PTPRN2: variants seen among roughly 807,000 people sequenced by gnomAD.
PTPRN2 encodes the protein receptor-type tyrosine-protein phosphatase N2.
A neutral mutation model predicts 118.8 loss-of-function variants in PTPRN2; 74 were observed. The ratio of observed to expected loss-of-function variants is 0.62; its 90% CI spans 0.52 to 0.76. The LOEUF (loss-of-function observed/expected upper bound fraction) is 0.76. PTPRN2 is among the 30% of genes least tolerant of loss of function. The pLI is 0.00. For synonymous variants in PTPRN2, 641 were observed against 608.0 expected (o/e 1.05, Z -0.80); for missense variants, 1,481 against 1,394.4 (o/e 1.06, Z -0.99).
chr7:158,544,922 TTTC>T lies in PTPRN2; in HGVS notation c.112+42633_112+42635del, dbSNP rs1179506039. ...CACACTCACGTGATCACACCCACTC[TTTC>T]TTCTTGTGGAAAGCCCCACGTGGAG... is the stretch of plus-strand genomic sequence containing the variant. On this transcript the variant is annotated intron_variant, in intron 1 of 22. Transcript: ENST00000389418. The surrounding 1 kb of genome is among the most constrained non-coding windows in gnomAD (Gnocchi z 4.2). Among the ~76,000 whole-genome samples, 10 of 152,320 alleles carry T rather than the reference TTTC, an allele frequency of 6.6e-5. No homozygotes were observed. In the East Asian group the frequency reaches 1.4e-3, roughly 21 times the overall value.
At chr7:158,420,025 G>A (rs931858009) in intron 2 of PTPRN2, among the ~76,000 whole-genome samples, 1 of 152,144 alleles carries the variant, frequency 6.6e-6, no homozygotes, top group Non-Finnish European at 1.5e-5. Flanking sequence ...TTACAATCTT[G>A]TGCACAGGAC....
chr7:158,079,488 G>A (rs1243300037), intron 11 of PTPRN2, among the ~76,000 whole-genome samples: 1 of 152,084 alleles, frequency 6.6e-6, no homozygotes, highest in African/African-American at 2.4e-5. Context: ...TAAATCAAAG[G>A]TCCTTGTCTG....
intron 1 of PTPRN2, among the ~76,000 whole-genome samples, chr7:158,558,183 G>A (rs1007966935): frequency 2.6e-5 from 4 of 152,012 alleles, no homozygotes; most frequent in African/African-American, 9.7e-5. Context: ...ACGGGGTCTT[G>A]CTATGTTGCC....
intron 1 of PTPRN2, among the ~76,000 whole-genome samples, chr7:158,523,783 G>A (rs1187755614): frequency 0.033 from 747 of 22,414 alleles, 1 homozygote; most frequent in East Asian, 0.06. Context: ...AGTGGAGTCT[G>A]CCCTGGAGTG....
At chr7:158,345,831 G>A (rs116353508) in intron 2 of PTPRN2, among the ~76,000 whole-genome samples, 2,332 of 152,296 alleles carry the variant, frequency 0.015, 64 homozygotes, top group African/African-American at 0.053. Flanking sequence ...GGCAAAAGGC[G>A]AAGGAGAAGC....
intron 3 of PTPRN2, among the ~76,000 whole-genome samples, chr7:158,306,524 T>C (rs1223530126): frequency 5.6e-5 from 1 of 17,836 alleles, no homozygotes; most frequent in Non-Finnish European, 2.0e-4. Context: ...AGGCAATCTG[T>C]CTGGTCATCT....
chr7:158,061,172 A>G (rs542123386), intron 11 of PTPRN2, among the ~76,000 whole-genome samples: 2 of 152,244 alleles, frequency 1.3e-5, no homozygotes, highest in Non-Finnish European at 2.9e-5. Flanking sequence ...GACTGATTAC[A>G]ATCATTTGTT....
At chr7:158,445,436 C>T (rs1485013076) in intron 2 of PTPRN2, among the ~76,000 whole-genome samples, 2 of 152,186 alleles carry the variant, frequency 1.3e-5, no homozygotes, top group Non-Finnish European at 2.9e-5. Flanking sequence ...CAGGTGGTGC[C>T]GTCCCTGAGT....
At chr7:157,873,453 C>T (rs946758156) in intron 12 of PTPRN2, among the ~76,000 whole-genome samples, 3 of 151,888 alleles carry the variant, frequency 2.0e-5, no homozygotes, top group Admixed American at 6.6e-5. Flanking sequence ...AGGTCCGTCT[C>T]GCCGTGGGGG....
intron 11 of PTPRN2, among the ~76,000 whole-genome samples, chr7:158,010,668 T>G (rs530267136): frequency 6.6e-6 from 1 of 152,374 alleles, no homozygotes; most frequent in South Asian, 2.1e-4. Context: ...ATAAATATAT[T>G]TTCAGGGTAA....
chr7:158,454,563 T>C (rs1818329818), intron 2 of PTPRN2, among the ~76,000 whole-genome samples: 2 of 148,394 alleles, frequency 1.3e-5, no homozygotes, highest in African/African-American at 5.1e-5. Flanking sequence ...ACACAATCAC[T>C]GATGTGAGGA....
At chr7:158,064,394 G>A (rs1810598999) in intron 11 of PTPRN2, among the ~76,000 whole-genome samples, 1 of 152,144 alleles carries the variant, frequency 6.6e-6, no homozygotes, top group Admixed American at 6.5e-5. Flanking sequence ...ACAGCCCCCG[G>A]GAGAGCATGG....
rs184309403 is a variant in PTPRN2 at position 158,229,250 on chromosome 7, C to A, written c.278-23977G>T. 2.8e-3 allele frequency among the ~76,000 whole-genome samples: 429 copies of A among 152,106 alleles called. 5 individuals are homozygous for A. Among genetic ancestry groups the A allele is most frequent in the African/African-American group, 9.9e-3 (412 of 41,510 alleles). ...GAAATTCCACAGGTAAATTATGTGACTCTCTAAGCAAATGTATCCAATAAA... is the reference window on the plus strand; with the variant it reads ...GAAATTCCACAGGTAAATTATGTGAATCTCTAAGCAAATGTATCCAATAAA... On this transcript the variant is annotated intron_variant, in intron 3 of 22. Coordinates refer to ENST00000389418, the MANE Select transcript of PTPRN2 (RefSeq NM_002847.5).
At chr7:157,994,574 A>C (rs1804532302) in intron 11 of PTPRN2, among the ~76,000 whole-genome samples, 1 of 98,414 alleles carries the variant, frequency 1.0e-5, no homozygotes, top group Non-Finnish European at 2.2e-5. Flanking sequence ...CCCAGCTTAC[A>C]ACTCCTTGTT....
Position 157,780,482 on chromosome 7 carries a change from C to T in PTPRN2, c.1789-97545G>A, listed in dbSNP as rs897429910. On this transcript the variant is annotated intron_variant, in intron 12 of 22. Transcript: ENST00000389418. The surrounding 1 kb of genome is among the most constrained non-coding windows in gnomAD (Gnocchi z 4.5). ...GATGGCGGAACACGGCCCAGAGCAA[C>T]TGAAGTTCGCTTGTCCCCACAGGCA... Among the ~76,000 whole-genome samples the T allele has an allele frequency of 2.0e-5, 3 of 152,224 alleles. No homozygotes were observed. The highest frequency in any genetic ancestry group is 7.2e-5 in the African/African-American group (3 of 41,468).
rs373854541 is a variant in PTPRN2, at chr7:157,923,813, G to A, written c.1724-25076C>T. On this transcript the variant is annotated intron_variant, in intron 11 of 22. Transcript: ENST00000389418. ...GACAGTGTTAGTGTAGGATGTTAGCGGTCACACCCGAGATGGTTCTTTTGC... is the reference window on the plus strand; with the variant it reads ...GACAGTGTTAGTGTAGGATGTTAGCAGTCACACCCGAGATGGTTCTTTTGC... Among the ~76,000 whole-genome samples, 162 of 152,150 alleles carry A rather than the reference G, an allele frequency of 1.1e-3. 5 individuals carry two copies. The South Asian group carries it at 0.029, about 28-fold the overall frequency.
chr7:157,841,451 G>T (rs1808412975), intron 12 of PTPRN2, among the ~76,000 whole-genome samples: 1 of 152,190 alleles, frequency 6.6e-6, no homozygotes, highest in South Asian at 2.1e-4. Flanking sequence ...TTGAGTGAAG[G>T]ATCCTCCCCT....
In PTPRN2 at chr7:157,606,468, G is replaced by A. The variant is rs764766394; in HGVS notation, c.2345-2393C>T. Among the ~76,000 whole-genome samples the A allele has an allele frequency of 2.1e-3, 326 of 152,376 alleles. 4 individuals carry two copies. The highest frequency in any genetic ancestry group is 3.4e-3 in the Non-Finnish European group (233 of 68,036). On this transcript the variant is annotated intron_variant, in intron 15 of 22. Transcript: ENST00000389418. ...GGGCCTGTCACTGCCATCCCTGGCT[G>A]AAATCTGGAAGCAACAACATCTCGG...
chr7:158,209,074 A>G (rs959851385), intron 3 of PTPRN2, among the ~76,000 whole-genome samples: 8 of 151,874 alleles, frequency 5.3e-5, no homozygotes, highest in African/African-American at 1.9e-4. Flanking sequence ...GTAAAAAGCT[A>G]GAAATTAAAA....
Sources: gnomAD v4.1 joint callset for allele counts (sites outside exome capture counted in the v4.1 genomes callset) on GRCh38, gnomAD v4.1.1 for gene constraint, Gnocchi (gnomAD v3.1) non-coding constraint, MANE v1.5 for transcripts, NCBI Gene and HGNC (gene_info 2026-07-23, HGNC 2026-07-21) for gene names.